RPN2: variants seen among roughly 807,000 people sequenced by gnomAD.
RPN2 encodes the protein ribophorin II, also known as dolichyl-diphosphooligosaccharide--protein glycosyltransferase subunit 2.
RPN2 carries 29 observed loss-of-function variants against 71.4 expected under a neutral mutation model. That is an observed-to-expected ratio of 0.41 (90% CI 0.30 to 0.55). The LOEUF (loss-of-function observed/expected upper bound fraction) is 0.55. Among genes scored for constraint, RPN2 ranks in the 20% least tolerant of loss-of-function variants. The pLI, the probability that RPN2 is intolerant of heterozygous loss-of-function variation, is 0.35. For synonymous variants in RPN2, 308 were observed against 305.0 expected (o/e 1.01, Z -0.10); for missense variants, 726 against 774.1 (o/e 0.94, Z 0.74).
intron 7 of RPN2, among the ~76,000 whole-genome samples, chr20:37,208,413 G>A (rs1177504081): frequency 6.6e-6 from 1 of 151,974 alleles, no homozygotes; most frequent in Admixed American, 6.6e-5. Flanking sequence ...TTTTGGTTTT[G>A]TTTTGGTTTT....
chr20:37,209,673 G>A (rs2067608355), intron 7 of RPN2, among the ~76,000 whole-genome samples: 1 of 151,204 alleles, frequency 6.6e-6, no homozygotes, highest in African/African-American at 2.4e-5. Flanking sequence ...GTAGAAACGA[G>A]GTCTTGCCAT....
intron 16 of RPN2, among the ~76,000 whole-genome samples, chr20:37,240,076 C>T (rs1353437335): frequency 6.6e-6 from 1 of 152,110 alleles, no homozygotes; most frequent in African/African-American, 2.4e-5. Flanking sequence ...TTTTAAAGTC[C>T]GTTCCCACCC....
At chr20:37,228,493 G>C (rs2068139352) in intron 11 of RPN2, 57 bp from the exon 12 acceptor site, 5 of 1,536,790 alleles carry the variant, frequency 3.3e-6, no homozygotes, top group Non-Finnish European at 4.5e-6. Context: ...TTCAATGTTA[G>C]GCCCAGGGAG....
At chr20:37,240,769 T>A (rs777309826) in intron 16 of RPN2, among the ~76,000 whole-genome samples, 6 of 152,210 alleles carry the variant, frequency 3.9e-5, no homozygotes, top group Non-Finnish European at 7.3e-5. Context: ...TTGAGAATCT[T>A]TCTGTGTTAG....
chr20:37,191,861 C>G (rs2067148273), intron 2 of RPN2, among the ~76,000 whole-genome samples: 1 of 152,076 alleles, frequency 6.6e-6, no homozygotes, highest in Non-Finnish European at 1.5e-5. Flanking sequence ...GTGGGAGGAT[C>G]ACTTGAGGTC....
chr20:37,236,020 T>C (rs1224429317), intron 15 of RPN2, among the ~76,000 whole-genome samples: 1 of 152,072 alleles, frequency 6.6e-6, no homozygotes, highest in Non-Finnish European at 1.5e-5. Flanking sequence ...CAGAGGAGTT[T>C]TAAACAAAAG....
At chr20:37,199,822 T>G (rs966785538) in intron 4 of RPN2, among the ~76,000 whole-genome samples, 2 of 152,080 alleles carry the variant, frequency 1.3e-5, no homozygotes, top group African/African-American at 4.8e-5. Context: ...TAAGTGATAA[T>G]ATATGTAGTT....
intron 15 of RPN2, 42 bp downstream of exon 15, chr20:37,234,137 C>A (rs1178026762): frequency 6.3e-7 from 1 of 1,598,208 alleles, no homozygotes; most frequent in Non-Finnish European, 8.6e-7. Context: ...CGTCCTCTGA[C>A]ATTTAGCCTG....
rs2067254481 is a variant in RPN2 at position 37,196,234 on chromosome 20, C to CT, written c.208-2163_208-2162insT. On this transcript the variant is annotated intron_variant, in intron 2 of 16. Transcript: ENST00000237530. Reference sequence around the variant, plus strand: ...GCCACCGTGCCTAGTCTCCCCCCCACCTTTTTTTTTTTGAGACGGAGTCTC... The same window carrying CT: ...GCCACCGTGCCTAGTCTCCCCCCCACTCTTTTTTTTTTTGAGACGGAGTCTC... 9.4e-4 allele frequency among the ~76,000 whole-genome samples: 132 copies of CT among 140,822 alleles called. 1 individual carries two copies. Among genetic ancestry groups the CT allele is most frequent in the African/African-American group, 1.9e-3 (72 of 38,494 alleles). 92.4% of individuals were successfully genotyped at this position (140,822 alleles called of 152,430 possible). A position where few individuals can be genotyped will look rare whatever the true frequency, so the allele number is the denominator to read the frequency against.
intron 15 of RPN2, among the ~76,000 whole-genome samples, chr20:37,234,461 G>T (rs543687079): frequency 6.6e-6 from 1 of 152,238 alleles, no homozygotes; most frequent in East Asian, 1.9e-4. Context: ...CCACGCTATC[G>T]ATCTTCACAT....
rs2068162193 is a variant in RPN2 at position 37,229,052 on chromosome 20, A to G, written c.1494+308A>G. On this transcript the variant is annotated intron_variant, in intron 12 of 16. Transcript: ENST00000237530. ...CCGTTTTCATATTATAGCAGGCACT[A>G]TTGGGGTTACGTAGATGTGAAAGTT... 2.0e-5 allele frequency among the ~76,000 whole-genome samples: 3 copies of G among 152,344 alleles called. 1 individual carries two copies. The highest frequency in any genetic ancestry group is 2.1e-4 in the South Asian group (1 of 4,828).
At chr20:37,184,047 A>C in intron 1 of RPN2, 133 bp from the exon 2 acceptor site, 1 of 1,030,022 alleles carries the variant, frequency 9.7e-7, no homozygotes, top group Non-Finnish European at 1.5e-6. Context: ...GCTTCTCCTC[A>C]GGTTAAACCC....
chr20:37,204,107 T>C (rs767410880), intron 5 of RPN2, 147 bp downstream of exon 5: 1 of 713,406 alleles, frequency 1.4e-6, no homozygotes. Context: ...TATTAAGGTA[T>C]TGTGTCCTGA....
At chr20:37,199,362 AG>A in intron 4 of RPN2, 137 bp downstream of exon 4, 1 of 1,078,940 alleles carries the variant, frequency 9.3e-7, no homozygotes, top group Non-Finnish European at 1.4e-6. Flanking sequence ...GTGCTCTGCA[AG>A]GCACCGCAGA....
At chr20:37,204,487 C>T (rs1421632926) in intron 5 of RPN2, among the ~76,000 whole-genome samples, 3 of 152,190 alleles carry the variant, frequency 2.0e-5, no homozygotes, top group Admixed American at 6.5e-5. Context: ...AAGCAGCTGG[C>T]GTGTTCTGTG....
chr20:37,199,225 CG>C lies in RPN2; in HGVS notation c.479+1del. The stretch of plus-strand genomic sequence containing the variant: ...CTCAGCAAGGAGGAGACTGTGCTGG[CG>C]TGAGTTGTCATCTCGAGCATTTCTC... On this transcript the variant is annotated splice_donor_variant, in intron 4 of 16. Transcript: ENST00000237530. LOFTEE classifies it high-confidence loss of function. 3.7e-6 allele frequency: 6 copies of C among 1,613,474 alleles called. No individual in the cohort carries two copies. Among genetic ancestry groups the C allele is most frequent in the Non-Finnish European group, 4.2e-6 (5 of 1,180,020 alleles).
intron 12 of RPN2, 148 bp from the exon 13 acceptor site, chr20:37,229,825 A>G (rs1233071135): frequency 1.4e-6 from 1 of 704,722 alleles, no homozygotes; most frequent in East Asian, 2.6e-5. Context: ...TTACTGCCTC[A>G]ATTTGTCAGC....
intron 16 of RPN2, chr20:37,238,794 A>G: frequency 1.8e-6 from 1 of 566,528 alleles, no homozygotes; most frequent in South Asian, 1.4e-5. Flanking sequence ...AGATGAGGAT[A>G]AGACAAATCC....
intron 1 of RPN2, among the ~76,000 whole-genome samples, chr20:37,183,898 G>T (rs1194048391): frequency 6.6e-6 from 1 of 152,206 alleles, no homozygotes; most frequent in Non-Finnish European, 1.5e-5. Flanking sequence ...TCAGGATTGG[G>T]TTTGTCCTTA....
Sources: allele counts gnomAD v4.1 joint callset (sites outside exome capture counted in the v4.1 genomes callset), GRCh38; gene constraint gnomAD v4.1.1; transcripts MANE v1.5; gene names NCBI Gene and HGNC (gene_info 2026-07-23, HGNC 2026-07-21).